SLC35F4: variants seen among roughly 807,000 people sequenced by gnomAD.
SLC35F4 encodes the protein solute carrier family 35 member F4.
A neutral mutation model predicts 44.2 loss-of-function variants in SLC35F4; 24 were observed. The ratio of observed to expected loss-of-function variants is 0.54; its 90% CI spans 0.39 to 0.76. SLC35F4 has a LOEUF of 0.76. Among genes scored for constraint, SLC35F4 ranks in the 30% least tolerant of loss-of-function variants. The pLI is 0.00. For missense variants in SLC35F4, 562 were observed against 586.1 expected, an observed-to-expected ratio of 0.96 and a Z score of 0.42; for synonymous variants, 238 against 223.6, an observed-to-expected ratio of 1.06 and a Z score of -0.57.
chr14:57,777,602 G>A (rs890239933), intron 1 of SLC35F4, among the ~76,000 whole-genome samples: 4 of 151,978 alleles, frequency 2.6e-5, no homozygotes, highest in Non-Finnish European at 4.4e-5. Context: ...ACAGGGCAGG[G>A]AACATCACAA....
At position 57,757,628 on chromosome 14, in the gene SLC35F4, A is replaced by C. The variant is rs568451880; in HGVS notation, c.103+108095T>G. On this transcript the variant is annotated intron_variant, in intron 1 of 7. Transcript: ENST00000556826. The stretch of plus-strand genomic sequence containing the variant: ...CTTCAAGCAATAATATGTCACTTAC[A>C]TGTATACTAAGAACTTTACAATAAT... Among the ~76,000 whole-genome samples the C allele has an allele frequency of 5.9e-5, 9 of 152,286 alleles. No homozygotes were observed. The South Asian group carries it at 6.2e-4, about 11-fold the overall frequency.
chr14:57,945,473 G>GTC (rs1890009520), intron 1 of SLC35F4, among the ~76,000 whole-genome samples: 1 of 117,704 alleles, frequency 8.5e-6, no homozygotes, highest in South Asian at 2.6e-4. Flanking sequence ...GTGTGTGTGT[G>GTC]TGTGTGTGTG....
chr14:57,671,637 G>A lies in SLC35F4; in HGVS notation c.104-77513C>T, dbSNP rs574792017. ...GGATTCTGATATTTGCTGACTTCAA[G>A]TGAGACTCAGTACATAACCAGCGGT... is the stretch of plus-strand genomic sequence containing the variant. On this transcript the variant is annotated intron_variant, in intron 1 of 7. Coordinates refer to ENST00000556826, the MANE Select transcript of SLC35F4 (RefSeq NM_001306087.2). 2.6e-5 allele frequency among the ~76,000 whole-genome samples: 4 copies of A among 152,086 alleles called. 1 individual carries two copies. Among genetic ancestry groups the A allele is most frequent in the South Asian group, 2.1e-4 (1 of 4,818 alleles).
At chr14:57,577,150 A>ATTCT (rs1331923834) in intron 4 of SLC35F4, among the ~76,000 whole-genome samples, 1 of 152,190 alleles carries the variant, frequency 6.6e-6, no homozygotes, top group East Asian at 1.9e-4. Context: ...TGTCATCTTA[A>ATTCT]TTCTTAATAT....
intron 1 of SLC35F4, among the ~76,000 whole-genome samples, chr14:57,746,223 T>G (rs2140535799): frequency 6.6e-6 from 1 of 152,124 alleles, no homozygotes; most frequent in East Asian, 1.9e-4. Context: ...CCCCAGAGCT[T>G]AAAGTATAAT....
At chr14:57,646,823 C>T (rs930849130) in intron 1 of SLC35F4, among the ~76,000 whole-genome samples, 3 of 152,110 alleles carry the variant, frequency 2.0e-5, no homozygotes, top group African/African-American at 4.8e-5. Flanking sequence ...TATGTTGTGT[C>T]TTTGTTCTCG....
At chr14:57,688,992 T>C (rs1180341362) in intron 1 of SLC35F4, among the ~76,000 whole-genome samples, 5 of 152,154 alleles carry the variant, frequency 3.3e-5, no homozygotes, top group Non-Finnish European at 7.3e-5. Flanking sequence ...AGTTACTGTG[T>C]ACCTATTATT....
At chr14:57,857,324 AG>A (rs1312821250) in intron 1 of SLC35F4, among the ~76,000 whole-genome samples, 4 of 152,132 alleles carry the variant, frequency 2.6e-5, no homozygotes, top group African/African-American at 9.7e-5. Context: ...GAAAATCTTA[AG>A]AAGGAAGTAA....
intron 1 of SLC35F4, among the ~76,000 whole-genome samples, chr14:57,831,511 G>A (rs182075834): frequency 4.6e-4 from 70 of 152,308 alleles, no homozygotes; most frequent in African/African-American, 1.5e-3. Context: ...ACAAACTAAA[G>A]CCACCCAGTA....
chr14:57,859,916 G>A (rs55959145), intron 1 of SLC35F4, among the ~76,000 whole-genome samples: 14,526 of 152,224 alleles, frequency 0.095, 1,084 homozygotes, highest in African/African-American at 0.21. Flanking sequence ...TAAGGACAGA[G>A]TGATGATTTT....
At chr14:57,698,546 C>T (rs1243913636) in intron 1 of SLC35F4, among the ~76,000 whole-genome samples, 2 of 151,992 alleles carry the variant, frequency 1.3e-5, no homozygotes, top group Non-Finnish European at 2.9e-5. Flanking sequence ...GAGGTTCAAG[C>T]AGATAATGGA....
intron 1 of SLC35F4, among the ~76,000 whole-genome samples, chr14:57,685,679 T>C (rs2075045832): frequency 1.3e-5 from 2 of 152,192 alleles, no homozygotes; most frequent in Non-Finnish European, 1.5e-5. Context: ...CAAATCCTAG[T>C]TGGTGTTCAA....
upstream of SLC35F4, among the ~76,000 whole-genome samples, chr14:57,982,818 T>G (rs1474497011): frequency 6.6e-6 from 1 of 152,214 alleles, no homozygotes; most frequent in Non-Finnish European, 1.5e-5. Context: ...CACTGGCTAC[T>G]TGGAAAGTCA....
intron 1 of SLC35F4, among the ~76,000 whole-genome samples, chr14:57,863,064 A>C (rs2141015230): frequency 6.6e-6 from 1 of 152,282 alleles, no homozygotes; most frequent in East Asian, 1.9e-4. Context: ...ACAGTGTCTC[A>C]CTACATTGGT....
chr14:57,759,208 C>T (rs1167033359), intron 1 of SLC35F4, among the ~76,000 whole-genome samples: 1 of 152,088 alleles, frequency 6.6e-6, no homozygotes, highest in East Asian at 1.9e-4. Context: ...ACAGATAATT[C>T]TTTGATATCC....
chr14:57,653,637 C>A (rs1269686127), intron 1 of SLC35F4, among the ~76,000 whole-genome samples: 5 of 152,108 alleles, frequency 3.3e-5, no homozygotes, highest in Admixed American at 3.3e-4. Flanking sequence ...ATTTAGCTTC[C>A]CAGTCAAGCA....
intron 1 of SLC35F4, among the ~76,000 whole-genome samples, chr14:57,598,685 A>G (rs1769412009): frequency 6.6e-6 from 1 of 152,214 alleles, no homozygotes; most frequent in African/African-American, 2.4e-5. Context: ...AGGCCTTACC[A>G]TTGGCTTTTA....
chr14:57,944,699 GA>G (rs1244071508), intron 1 of SLC35F4, among the ~76,000 whole-genome samples: 3 of 37,040 alleles, frequency 8.1e-5, no homozygotes, highest in Non-Finnish European at 1.3e-4. Context: ...AGAAAGAAAA[GA>G]AAGAAAGAAA....
At chr14:57,745,887 T>C (rs1432674564) in intron 1 of SLC35F4, among the ~76,000 whole-genome samples, 1 of 152,140 alleles carries the variant, frequency 6.6e-6, no homozygotes. Flanking sequence ...ATATACACCA[T>C]GGAATACTAT....
Sources: gnomAD v4.1 joint callset for allele counts (sites outside exome capture counted in the v4.1 genomes callset) on GRCh38, gnomAD v4.1.1 for gene constraint, MANE v1.5 for transcripts, NCBI Gene and HGNC (gene_info 2026-07-23, HGNC 2026-07-21) for gene names.